The following LRRFIP1 variants were observed in gnomAD, a reference collection of about 807,000 sequenced individuals.
LRRFIP1 encodes LRR binding FLII interacting protein 1, also known as leucine-rich repeat flightless-interacting protein 1.
A neutral mutation model predicts 104.4 loss-of-function variants in LRRFIP1; 62 were observed. The observed-to-expected ratio is 0.59, with a 90% CI of 0.48 to 0.73. LRRFIP1 has a LOEUF of 0.73. Among genes scored for constraint, LRRFIP1 ranks in the 30% least tolerant of loss-of-function variants. LRRFIP1 has a pLI of 0.00. For missense variants in LRRFIP1, 796 were observed against 824.5 expected (o/e 0.97, Z 0.42); for synonymous variants, 300 against 299.0 (o/e 1.00, Z -0.03).
At chr2:237,733,055 G>C (rs2095081615) in intron 8 of LRRFIP1, among the ~76,000 whole-genome samples, 1 of 152,228 alleles carries the variant, frequency 6.6e-6, no homozygotes, top group East Asian at 1.9e-4. Context: ...GAGCTGCTGA[G>C]TGATCACCGC....
At chr2:237,666,755 C>CATTCTTTCTCTT (rs71039774) in intron 1 of LRRFIP1, among the ~76,000 whole-genome samples, 1 of 132,162 alleles carries the variant, frequency 7.6e-6, no homozygotes, top group South Asian at 2.5e-4. Flanking sequence ...TTCATTCTTT[C>CATTCTTTCTCTT]TCTTTCTTTC....
intron 15 of LRRFIP1, among the ~76,000 whole-genome samples, chr2:237,753,869 G>A (rs1051919895): frequency 1.1e-4 from 17 of 149,894 alleles, no homozygotes; most frequent in African/African-American, 2.9e-4. Flanking sequence ...TGGATATATC[G>A]TGTGTATGTA....
intron 23 of LRRFIP1, among the ~76,000 whole-genome samples, chr2:237,776,095 G>A (rs2061072596): frequency 6.6e-6 from 1 of 152,016 alleles, no homozygotes; most frequent in African/African-American, 2.4e-5. Flanking sequence ...CGAGTAGCCG[G>A]AAATACAGGC....
Position 237,774,186 on chromosome 2 carries a change from C to T in LRRFIP1, c.1708-172C>T, listed in dbSNP as rs140608872. ...CACAGGGTCGCCCAGAAATAGTAAC[C>T]AAGAATAGCTTGCTTGGCTCAAACC... On this transcript the variant is annotated intron_variant, in intron 22 of 23. Coordinates refer to ENST00000308482, the MANE Select transcript of LRRFIP1 (RefSeq NM_001137550.2). The T allele has an allele frequency of 1.4e-5, 8 of 588,594 alleles. No individual in the cohort carries two copies. In the East Asian group the frequency reaches 2.3e-4, roughly 17 times the overall value. 36.5% of individuals were successfully genotyped at this position (588,594 alleles called of 1,614,324 possible).
rs2060242699 is a variant in LRRFIP1 at position 237,766,186 on chromosome 2, C to T, written c.1460-3757C>T. On this transcript the variant is annotated intron_variant, in intron 19 of 23. Transcript: ENST00000308482. The surrounding 1 kb of genome is among the most constrained non-coding windows in gnomAD (Gnocchi z 4.8). ...TCTGATGTGCAGCCTCAGCTGAAAACGGTCTTCACCTGTGGCTGTGCTTAC... is the reference window on the plus strand; with the variant it reads ...TCTGATGTGCAGCCTCAGCTGAAAATGGTCTTCACCTGTGGCTGTGCTTAC... 1.3e-5 allele frequency among the ~76,000 whole-genome samples: 2 copies of T among 152,184 alleles called. No homozygotes were observed. The highest frequency in any genetic ancestry group is 6.5e-5 in the Admixed American group (1 of 15,286).
chr2:237,739,614 C>G (rs374447993), intron 11 of LRRFIP1, among the ~76,000 whole-genome samples: 1 of 152,162 alleles, frequency 6.6e-6, no homozygotes, highest in African/African-American at 2.4e-5. Flanking sequence ...TGAAGTGTTA[C>G]CTGTGATCAG....
In LRRFIP1 at chr2:237,720,091, C is replaced by T. The variant is rs147052753; in HGVS notation, c.294+524C>T. ...CCTCCCAAGTAGCTGGGACTACAGG[C>T]GCCTGCCGCCACACCTGACTAATTT... On this transcript the variant is annotated intron_variant, in intron 5 of 23. Coordinates refer to ENST00000308482, the MANE Select transcript of LRRFIP1 (RefSeq NM_001137550.2). 8.1e-3 allele frequency among the ~76,000 whole-genome samples: 1,223 copies of T among 151,838 alleles called. 13 individuals carry two copies. Among genetic ancestry groups the T allele is most frequent in the East Asian group, 0.047 (241 of 5,164 alleles).
intron 4 of LRRFIP1, among the ~76,000 whole-genome samples, chr2:237,718,621 A>G (rs1399950954): frequency 6.6e-6 from 1 of 152,102 alleles, no homozygotes; most frequent in Non-Finnish European, 1.5e-5. Flanking sequence ...CTTTTGCTTT[A>G]TTGCCTGGCC....
chr2:237,657,359 A>C (rs557414775), intron 1 of LRRFIP1, among the ~76,000 whole-genome samples: 1 of 152,338 alleles, frequency 6.6e-6, no homozygotes, highest in East Asian at 1.9e-4. Flanking sequence ...TGAATTAATA[A>C]GGCATTCCAT....
intron 1 of LRRFIP1, among the ~76,000 whole-genome samples, chr2:237,690,649 A>C (rs559177973): frequency 2.0e-5 from 3 of 151,880 alleles, no homozygotes; most frequent in Admixed American, 6.6e-5. Context: ...AGGCAGGAGA[A>C]TCGCTGGAAC....
chr2:237,735,304 C>T lies in LRRFIP1; in HGVS notation c.526C>T (p.Arg176Ter), dbSNP rs1359800726. ...GGATGAAGGCAGCTTCGGTGGGACC[C>T]GACGGGGCAGCACCTCCGGCTCCCG... ...VLDEGSFGGT[R>*]RGSTSGSRAP... The change falls in exon 10 of 24, where the codon CGA (arginine) becomes TGA (stop). Residue 176 changes from arginine to a stop codon, truncating the protein, a stop_gained. Coordinates refer to ENST00000308482, the MANE Select transcript of LRRFIP1 (RefSeq NM_001137550.2). LOFTEE classifies it high-confidence loss of function. The surrounding 1 kb of genome is among the most constrained non-coding windows in gnomAD (Gnocchi z 4.6). 2 of 1,613,358 alleles carry T rather than the reference C, an allele frequency of 1.2e-6. No individual in the cohort carries two copies. The highest frequency in any genetic ancestry group is 1.3e-5 in the African/African-American group (1 of 74,902).
At chr2:237,702,021 G>A (rs2093563140) in intron 1 of LRRFIP1, among the ~76,000 whole-genome samples, 2 of 152,176 alleles carry the variant, frequency 1.3e-5, no homozygotes, top group South Asian at 4.1e-4. Flanking sequence ...GGCTCCCAGG[G>A]AGGTGCCCCC....
At chr2:237,706,067 T>C (rs57230961) in intron 1 of LRRFIP1, among the ~76,000 whole-genome samples, 2,792 of 152,338 alleles carry the variant, frequency 0.018, 75 homozygotes, top group African/African-American at 0.06. Flanking sequence ...TAATACAGCC[T>C]AATTACAGTG....
intron 1 of LRRFIP1, among the ~76,000 whole-genome samples, chr2:237,666,717 C>T (rs1394147962): frequency 6.9e-6 from 1 of 144,592 alleles, no homozygotes; most frequent in Non-Finnish European, 1.5e-5. Context: ...GAGTGGAGTG[C>T]GCTTTCTTTC....
rs1323778016 is a variant in LRRFIP1, at chr2:237,691,893, C to G, written c.97-16651C>G. ...CGGGGCAGGACCAGGAAGATCCTTC[C>G]GAGACGGAGCGCGGGGGGCGGGGCG... On this transcript the variant is annotated intron_variant, in intron 1 of 23. Coordinates refer to ENST00000308482, the MANE Select transcript of LRRFIP1 (RefSeq NM_001137550.2). The surrounding 1 kb of genome is among the most constrained non-coding windows in gnomAD (Gnocchi z 5.4). Among the ~76,000 whole-genome samples the G allele has an allele frequency of 6.8e-6, 1 of 147,190 alleles. No homozygotes were observed. Among genetic ancestry groups the G allele is most frequent in the Non-Finnish European group, 1.5e-5 (1 of 66,832 alleles).
At chr2:237,738,167 C>T (rs1173532604) in intron 10 of LRRFIP1, among the ~76,000 whole-genome samples, 1 of 151,788 alleles carries the variant, frequency 6.6e-6, no homozygotes, top group African/African-American at 2.4e-5. Flanking sequence ...TCATGAGCAC[C>T]CCTGAAGATC....
chr2:237,635,834 C>T (rs1364077212), intron 1 of LRRFIP1, among the ~76,000 whole-genome samples: 1 of 152,044 alleles, frequency 6.6e-6, no homozygotes, highest in Non-Finnish European at 1.5e-5. Context: ...TGTGGTGGCT[C>T]ATACCTGTAA....
At chr2:237,744,804 A>C (rs560215943) in intron 11 of LRRFIP1, among the ~76,000 whole-genome samples, 40 of 152,396 alleles carry the variant, frequency 2.6e-4, no homozygotes, top group African/African-American at 9.4e-4. Flanking sequence ...AACAGGCTGC[A>C]ATGTGTTCGG....
At chr2:237,761,177 A>G (rs1465382364) in intron 19 of LRRFIP1, among the ~76,000 whole-genome samples, 2 of 152,208 alleles carry the variant, frequency 1.3e-5, no homozygotes, top group South Asian at 4.1e-4. Flanking sequence ...CCAGGGAGGT[A>G]CCTCATTCAT....
Sources: gnomAD v4.1 joint callset for allele counts (sites outside exome capture counted in the v4.1 genomes callset) on GRCh38, gnomAD v4.1.1 for gene constraint, Gnocchi (gnomAD v3.1) non-coding constraint, MANE v1.5 for transcripts, NCBI Gene and HGNC (gene_info 2026-07-23, HGNC 2026-07-21) for gene names.